The following LIPC variants were observed in gnomAD, a reference collection of about 807,000 sequenced individuals.
LIPC encodes the protein hepatic triacylglycerol lipase.
LIPC carries 44 observed loss-of-function variants against 50.7 expected under a neutral mutation model. The observed-to-expected ratio is 0.87, with a 90% confidence interval of 0.68 to 1.11. The LOEUF is 1.11. Ranked by LOEUF, LIPC falls within the 50% of genes most tolerant of loss-of-function variation. The probability of loss-of-function intolerance (pLI) is 0.00; values close to 1 mark genes in which losing one functional copy is unlikely to be tolerated. For missense variants in LIPC, 697 were observed against 648.2 expected, an observed-to-expected ratio of 1.08 and a Z score of -0.82; for synonymous variants, 271 against 256.4, an observed-to-expected ratio of 1.06 and a Z score of -0.54.
At chr15:58,506,083 G>A (rs1450532479) in intron 1 of LIPC, among the ~76,000 whole-genome samples, 6 of 152,158 alleles carry the variant, frequency 3.9e-5, no homozygotes, top group African/African-American at 1.4e-4. Context: ...TCTCTGTGGT[G>A]TGTGCCCCAC....
At chr15:58,520,671 G>T (rs1481280010) in intron 1 of LIPC, among the ~76,000 whole-genome samples, 1 of 152,174 alleles carries the variant, frequency 6.6e-6, no homozygotes, top group Non-Finnish European at 1.5e-5. Flanking sequence ...AGTAATTGAG[G>T]TTGAGAGCCG....
In LIPC at chr15:58,542,154, CCT is replaced by C. The variant is rs553734055; in HGVS notation, c.456+188_456+189del. Among the ~76,000 whole-genome samples the C allele has an allele frequency of 4.4e-3, 672 of 152,306 alleles. 3 individuals carry two copies. Among genetic ancestry groups the C allele is most frequent in the Admixed American group, 7.8e-3 (119 of 15,302 alleles). ...CTCTCTCAGACGCCTCCCTTGAACC[CCT>C]GTTTCACAGAACCACCTTCTCCCCT... is the stretch of plus-strand genomic sequence containing the variant. On this transcript the variant is annotated intron_variant, in intron 3 of 8. Transcript: ENST00000299022.
rs11332551 is a variant in LIPC at position 58,502,509 on chromosome 15, C to CTTT, written c.89-35813_89-35811dup. ...TGCATTGAATTCCATGTAATTTTCTCTTTTTTTTTTTTTGTTTGTTTTTAT... is the reference window on the plus strand; with the variant it reads ...TGCATTGAATTCCATGTAATTTTCTCTTTTTTTTTTTTTTTTGTTTGTTTTTAT... On this transcript the variant is annotated intron_variant, in intron 1 of 8. Transcript: ENST00000299022. Among the ~76,000 whole-genome samples the CTTT allele has an allele frequency of 9.4e-4, 136 of 144,506 alleles. 1 individual carries two copies. Among genetic ancestry groups the CTTT allele is most frequent in the African/African-American group, 2.4e-3 (96 of 39,358 alleles). The allele number at this position is 144,506 out of a possible 152,430, so 94.8% of individuals were successfully genotyped here.
Position 58,436,624 on chromosome 15 carries a change from C to G in LIPC, c.88+4504C>G, listed in dbSNP as rs913790880. The G allele has an allele frequency of 2.1e-5, 9 of 425,838 alleles. No homozygotes were observed. The Admixed American group carries it at 2.2e-4, about 11-fold the overall frequency. 26.4% of individuals were successfully genotyped at this position (425,838 alleles called of 1,614,324 possible). ...CAGAGGGTCATTAAAATGATCCGTT[C>G]TGTGTGTCAAATACATGAGGTATAC... On this transcript the variant is annotated intron_variant, in intron 1 of 8. Transcript: ENST00000299022.
chr15:58,491,841 G>A (rs183406699), intron 1 of LIPC, among the ~76,000 whole-genome samples: 198 of 152,342 alleles, frequency 1.3e-3, no homozygotes, highest in Non-Finnish European at 2.5e-3. Flanking sequence ...CCCACTGAGA[G>A]CTCAGGGTGC....
At position 58,451,027 on chromosome 15, in the gene LIPC, G is replaced by A. The variant is rs187896499; in HGVS notation, c.88+18907G>A. ...TATCAGTGCTGCCTTCCTTCCCCAG[G>A]CAACGTACTAGGAAGAATCATGGTT... On this transcript the variant is annotated intron_variant, in intron 1 of 8. Coordinates refer to ENST00000299022, the MANE Select transcript of LIPC (RefSeq NM_000236.3). Among the ~76,000 whole-genome samples the A allele has an allele frequency of 6.3e-4, 96 of 152,258 alleles. No homozygotes were observed. In the East Asian group the frequency reaches 0.015, roughly 25 times the overall value.
chr15:58,476,706 C>A (rs1282631788), intron 1 of LIPC, among the ~76,000 whole-genome samples: 1 of 152,232 alleles, frequency 6.6e-6, no homozygotes, highest in East Asian at 1.9e-4. Flanking sequence ...CTGCCAGGTG[C>A]TAGCTCTGGG....
At chr15:58,566,325 C>T (rs1211703609) in intron 8 of LIPC, 3 of 985,440 alleles carry the variant, frequency 3.0e-6, no homozygotes, top group Non-Finnish European at 1.2e-6. Flanking sequence ...CTGGCAGGAT[C>T]GGATGGACTC....
intron 1 of LIPC, among the ~76,000 whole-genome samples, chr15:58,509,394 T>C (rs1330782226): frequency 1.3e-5 from 2 of 152,186 alleles, no homozygotes; most frequent in Non-Finnish European, 2.9e-5. Context: ...AAGACTGAAA[T>C]TGGAATACTG....
intron 1 of LIPC, among the ~76,000 whole-genome samples, chr15:58,464,963 ACT>A (rs1894496440): frequency 6.6e-6 from 1 of 152,032 alleles, no homozygotes; most frequent in African/African-American, 2.4e-5. Context: ...ACAGAGTGAG[ACT>A]CTGTCTCAAA....
chr15:58,508,432 T>C (rs1194853059), intron 1 of LIPC, among the ~76,000 whole-genome samples: 1 of 152,186 alleles, frequency 6.6e-6, no homozygotes, highest in East Asian at 1.9e-4. Context: ...GAACACAGGA[T>C]TCAGCGAGTC....
intron 1 of LIPC, among the ~76,000 whole-genome samples, chr15:58,470,416 A>C (rs533585875): frequency 3.7e-4 from 56 of 152,268 alleles, no homozygotes. Context: ...AGTAAAAAGC[A>C]TTTTTATAAA....
intron 1 of LIPC, among the ~76,000 whole-genome samples, chr15:58,520,094 C>G (rs17190615): frequency 0.13 from 18,580 of 145,922 alleles, 1,511 homozygotes; most frequent in Non-Finnish European, 0.19. Context: ...AGCTTTTCGG[C>G]ACCTCAGGTT....
chr15:58,542,407 G>A, intron 3 of LIPC, 127 bp from the exon 4 acceptor site: 1 of 757,978 alleles, frequency 1.3e-6, no homozygotes, highest in East Asian at 2.5e-5. Context: ...TCAGTTTGGA[G>A]TGTGAATAAG....
intron 1 of LIPC, among the ~76,000 whole-genome samples, chr15:58,535,401 T>A (rs888359028): frequency 6.6e-6 from 1 of 152,146 alleles, no homozygotes; most frequent in Non-Finnish European, 1.5e-5. Context: ...CTCATACACA[T>A]GTTAAAGAGA....
intron 1 of LIPC, among the ~76,000 whole-genome samples, chr15:58,460,782 C>G (rs11629736): frequency 0.6 from 91,666 of 152,048 alleles, 28,168 homozygotes; most frequent in Non-Finnish European, 0.67. Flanking sequence ...AGAGAACAGC[C>G]AGCGAGAATG....
At position 58,524,977 on chromosome 15, in the gene LIPC, C is replaced by T. The variant is rs1892759694; in HGVS notation, c.89-13356C>T. 2.6e-5 allele frequency among the ~76,000 whole-genome samples: 4 copies of T among 152,132 alleles called. 1 individual carries two copies. In the South Asian group the frequency reaches 8.3e-4, roughly 32 times the overall value. On this transcript the variant is annotated intron_variant, in intron 1 of 8. Coordinates refer to ENST00000299022, the MANE Select transcript of LIPC (RefSeq NM_000236.3). ...TTTACAGCTTCTGAATTTTGAATCA[C>T]AGAGGGAGATTCTTATTCAAAAGGT...
chr15:58,489,016 C>A (rs1279823564), intron 1 of LIPC, among the ~76,000 whole-genome samples: 1 of 152,110 alleles, frequency 6.6e-6, no homozygotes, highest in Non-Finnish European at 1.5e-5. Context: ...TGTGCATCTG[C>A]AAGTGCATTG....
intron 1 of LIPC, among the ~76,000 whole-genome samples, chr15:58,493,118 C>A (rs1891639662): frequency 6.6e-6 from 1 of 152,140 alleles, no homozygotes; most frequent in African/African-American, 2.4e-5. Flanking sequence ...CCTGGCCCCC[C>A]ATGGTATCTC....
Sources: allele counts gnomAD v4.1 joint callset (sites outside exome capture counted in the v4.1 genomes callset), GRCh38; gene constraint gnomAD v4.1.1; transcripts MANE v1.5; gene names NCBI Gene and HGNC (gene_info 2026-07-23, HGNC 2026-07-21).